The following ANKFN1 variants were observed in gnomAD, a reference collection of about 807,000 sequenced individuals.
ANKFN1 encodes the protein ankyrin repeat and fibronectin type III domain containing 1.
In ANKFN1, 74 loss-of-function variants were observed where a neutral mutation model predicts 108.7. That is an observed-to-expected ratio of 0.68 (90% CI 0.56 to 0.83). ANKFN1 has a LOEUF of 0.83. ANKFN1 is among the 40% of genes least tolerant of loss of function. ANKFN1 has a pLI of 0.00. For synonymous variants in ANKFN1, 547 were observed against 516.2 expected (o/e 1.06, Z -0.81); for missense variants, 1,505 against 1,382.3 (o/e 1.09, Z -1.41).
chr17:56,175,786 A>G (rs2143594406), intron 1 of ANKFN1, among the ~76,000 whole-genome samples: 1 of 152,320 alleles, frequency 6.6e-6, no homozygotes, highest in East Asian at 1.9e-4. Context: ...CTGGAGCAGG[A>G]CAAACCAGCC....
At chr17:56,344,634 G>A (rs1210626190) in intron 4 of ANKFN1, among the ~76,000 whole-genome samples, 1 of 151,668 alleles carries the variant, frequency 6.6e-6, no homozygotes, top group Non-Finnish European at 1.5e-5. Context: ...TTAAACTACT[G>A]TTAAACAATT....
At chr17:56,401,393 G>GTA (rs2047762099) in intron 8 of ANKFN1, among the ~76,000 whole-genome samples, 1 of 139,002 alleles carries the variant, frequency 7.2e-6, no homozygotes, top group African/African-American at 2.7e-5. Context: ...GTTGTGTTGT[G>GTA]TTGTGTTGTG....
chr17:56,236,218 C>T (rs1207766708), intron 3 of ANKFN1, among the ~76,000 whole-genome samples: 6 of 151,942 alleles, frequency 3.9e-5, no homozygotes, highest in East Asian at 1.9e-4. Flanking sequence ...CGACCACCCC[C>T]GGCTACTTTT....
At chr17:56,064,607 G>A (rs116281110) in intron 4 of ANKFN1, among the ~76,000 whole-genome samples, 5,015 of 152,296 alleles carry the variant, frequency 0.033, 267 homozygotes, top group African/African-American at 0.11. Context: ...AGCACAGCCT[G>A]GAGCTATAGC....
chr17:56,090,182 A>G (rs1410899513), intron 4 of ANKFN1, among the ~76,000 whole-genome samples: 1 of 151,210 alleles, frequency 6.6e-6, no homozygotes, highest in Non-Finnish European at 1.5e-5. Context: ...CATGTCACGG[A>G]GTGAAATGGG....
At chr17:56,062,777 A>C (rs2143113777) in intron 4 of ANKFN1, among the ~76,000 whole-genome samples, 1 of 152,032 alleles carries the variant, frequency 6.6e-6, no homozygotes, top group East Asian at 1.9e-4. Flanking sequence ...TCATGATGCT[A>C]TCTGGTTATT....
chr17:56,402,250 A>G (rs2047786484), intron 8 of ANKFN1, among the ~76,000 whole-genome samples: 1 of 152,052 alleles, frequency 6.6e-6, no homozygotes, highest in African/African-American at 2.4e-5. Context: ...ATCTTATGGA[A>G]TAGTGACAAA....
At chr17:56,064,593 G>A (rs749319753) in intron 4 of ANKFN1, among the ~76,000 whole-genome samples, 7 of 152,216 alleles carry the variant, frequency 4.6e-5, no homozygotes, top group Non-Finnish European at 8.8e-5. Flanking sequence ...TCCAGCAGGG[G>A]AAAAGCACAG....
chr17:56,242,877 A>G (rs1385617425), intron 3 of ANKFN1, among the ~76,000 whole-genome samples: 40 of 152,152 alleles, frequency 2.6e-4, no homozygotes, highest in Non-Finnish European at 5.9e-5. Flanking sequence ...TTAAAAAAAC[A>G]TGATTGTGTA....
At chr17:56,396,999 T>C (rs928148964) in intron 8 of ANKFN1, among the ~76,000 whole-genome samples, 5 of 152,112 alleles carry the variant, frequency 3.3e-5, no homozygotes, top group East Asian at 1.9e-4. Context: ...CAAACTCTCC[T>C]AGTCTACCAG....
chr17:56,144,294 T>G (rs1908124153), intron 4 of ANKFN1, among the ~76,000 whole-genome samples: 2 of 151,778 alleles, frequency 1.3e-5, no homozygotes, highest in South Asian at 4.2e-4. Context: ...AAGGGCTCCA[T>G]GTGAAAAATC....
intron 4 of ANKFN1, among the ~76,000 whole-genome samples, chr17:56,089,535 C>T (rs1434360320): frequency 6.6e-6 from 1 of 151,366 alleles, no homozygotes; most frequent in African/African-American, 2.4e-5. Context: ...TTTTCTTCTA[C>T]CTGCTGTCCA....
chr17:56,332,407 T>C (rs1567920448), intron 4 of ANKFN1, among the ~76,000 whole-genome samples: 1 of 152,204 alleles, frequency 6.6e-6, no homozygotes, highest in Non-Finnish European at 1.5e-5. Context: ...CTAAACATTT[T>C]ATAGTTTTAG....
chr17:56,233,695 G>A (rs1487922610), intron 3 of ANKFN1, among the ~76,000 whole-genome samples: 1 of 151,836 alleles, frequency 6.6e-6, no homozygotes, highest in African/African-American at 2.4e-5. Flanking sequence ...CATGTGAAAA[G>A]ATGTGTATGT....
intron 4 of ANKFN1, among the ~76,000 whole-genome samples, chr17:56,067,553 C>T (rs1013836678): frequency 2.0e-5 from 3 of 152,122 alleles, no homozygotes; most frequent in Non-Finnish European, 4.4e-5. Context: ...TCTGATCAAC[C>T]ACTAAGATTA....
At chr17:56,409,079 C>T (rs1319324818) in intron 8 of ANKFN1, among the ~76,000 whole-genome samples, 3 of 121,052 alleles carry the variant, frequency 2.5e-5, no homozygotes, top group Non-Finnish European at 5.5e-5. Flanking sequence ...CGCCTGCCAC[C>T]ATGCCCAGCT....
chr17:56,475,753 G>A (rs1370806197), intron 15 of ANKFN1, among the ~76,000 whole-genome samples: 2 of 152,058 alleles, frequency 1.3e-5, no homozygotes, highest in East Asian at 3.9e-4. Context: ...TTTCTTTGTG[G>A]TAAGGCACCT....
chr17:56,313,767 A>G (rs1425111853), intron 3 of ANKFN1, among the ~76,000 whole-genome samples: 1 of 152,240 alleles, frequency 6.6e-6, no homozygotes, highest in African/African-American at 2.4e-5. Context: ...GGCAGGCATT[A>G]TTCATTAATT....
At chr17:56,411,883 G>T (rs2048100851) in intron 8 of ANKFN1, among the ~76,000 whole-genome samples, 2 of 152,014 alleles carry the variant, frequency 1.3e-5, no homozygotes, top group South Asian at 2.1e-4. Flanking sequence ...TGTTGAATTG[G>T]GTTCGCTAGT....
Sources: allele counts gnomAD v4.1 joint callset (sites outside exome capture counted in the v4.1 genomes callset), GRCh38; gene constraint gnomAD v4.1.1; transcripts MANE v1.5; gene names NCBI Gene and HGNC (gene_info 2026-07-23, HGNC 2026-07-21).